GALNT1: variants seen among roughly 807,000 people sequenced by gnomAD.
The protein encoded by GALNT1 is GalNAc transferase 1.
In GALNT1, 17 loss-of-function variants were observed where a neutral mutation model predicts 65.7. That is an observed-to-expected ratio of 0.26 (90% CI 0.18 to 0.39). The LOEUF is 0.39. Among genes scored for constraint, GALNT1 ranks in the 10% least tolerant of loss-of-function variants. The probability of loss-of-function intolerance (pLI) is 1.00; values close to 1 mark genes in which losing one functional copy is unlikely to be tolerated. For missense variants in GALNT1, 460 were observed against 672.8 expected (o/e 0.68, Z 3.50); for synonymous variants, 210 against 219.7 (o/e 0.96, Z 0.39).
rs190469932 is a variant in GALNT1, at chr18:35,658,498, T to C, written c.139+3697T>C. On this transcript the variant is annotated intron_variant, in intron 2 of 11. Transcript: ENST00000269195. ...TAAGCAACAGTTTGAAAAATCTGCT[T>C]TGATATGAAGTTTCAGTGCAGTAGG... Among the ~76,000 whole-genome samples the C allele has an allele frequency of 2.0e-5, 3 of 152,156 alleles. No homozygotes were observed. The East Asian group carries it at 5.8e-4, about 29-fold the overall frequency.
At chr18:35,669,612 A>G (rs1285777898) in intron 3 of GALNT1, among the ~76,000 whole-genome samples, 1 of 152,258 alleles carries the variant, frequency 6.6e-6, no homozygotes, top group Non-Finnish European at 1.5e-5. Context: ...CAGGAAAAAC[A>G]TTTGATAAAA....
intron 1 of GALNT1, among the ~76,000 whole-genome samples, chr18:35,593,143 C>T (rs1056695986): frequency 6.6e-6 from 1 of 152,112 alleles, no homozygotes; most frequent in Admixed American, 6.5e-5. Flanking sequence ...CTATGTGGCA[C>T]ACGGAGGTGT....
rs112256935 is a variant in GALNT1 at position 35,628,055 on chromosome 18, A to G, written c.-103-26505A>G. Among the ~76,000 whole-genome samples the G allele has an allele frequency of 6.4e-3, 969 of 152,284 alleles. 19 individuals are homozygous for G. The highest frequency in any genetic ancestry group is 0.022 in the African/African-American group (919 of 41,558). On this transcript the variant is annotated intron_variant, in intron 1 of 11. Coordinates refer to ENST00000269195, the MANE Select transcript of GALNT1 (RefSeq NM_020474.4). ...CGCCATTGCTGAGGCTTGAGTAGGT[A>G]AACAAAGTGGCTGGGAAGCTCGAAC...
At chr18:35,647,320 C>G (rs2047243849) in intron 1 of GALNT1, among the ~76,000 whole-genome samples, 1 of 152,162 alleles carries the variant, frequency 6.6e-6, no homozygotes, top group African/African-American at 2.4e-5. Context: ...GTCTGCTTCC[C>G]TGGAGCCAAC....
Position 35,603,822 on chromosome 18 carries a change from G to A in GALNT1, c.-104+21960G>A, listed in dbSNP as rs117985832. Among the ~76,000 whole-genome samples, 859 of 152,286 alleles carry A rather than the reference G, an allele frequency of 5.6e-3. 18 individuals are homozygous for A. In the East Asian group the frequency reaches 0.065, roughly 12 times the overall value. On this transcript the variant is annotated intron_variant, in intron 1 of 11. Coordinates refer to ENST00000269195, the MANE Select transcript of GALNT1 (RefSeq NM_020474.4). ...AGCCAGTAAATTTCCTCGTGTTTAA[G>A]CAGTTTGAGGTGGAATTTCTGATCT... is the stretch of plus-strand genomic sequence containing the variant.
chr18:35,686,284 A>G (rs534321537), intron 5 of GALNT1, among the ~76,000 whole-genome samples: 47 of 152,352 alleles, frequency 3.1e-4, no homozygotes, highest in Non-Finnish European at 5.9e-4. Context: ...ACCCAAATTC[A>G]TATATAAATT....
chr18:35,593,024 G>A (rs1294793438), intron 1 of GALNT1, among the ~76,000 whole-genome samples: 1 of 152,174 alleles, frequency 6.6e-6, no homozygotes, highest in Non-Finnish European at 1.5e-5. Flanking sequence ...TGTTGTTGTT[G>A]TTTTTCCTTG....
intron 1 of GALNT1, among the ~76,000 whole-genome samples, chr18:35,635,163 G>T (rs1360810125): frequency 1.3e-5 from 2 of 152,212 alleles, no homozygotes; most frequent in East Asian, 3.9e-4. Flanking sequence ...GTAGGCATAG[G>T]CTTCCAGGTC....
chr18:35,590,789 T>TA (rs749872443), intron 1 of GALNT1, among the ~76,000 whole-genome samples: 2 of 152,074 alleles, frequency 1.3e-5, no homozygotes, highest in African/African-American at 2.4e-5. Context: ...GCAGGGACTG[T>TA]AAAAAAAGGT....
intron 1 of GALNT1, among the ~76,000 whole-genome samples, chr18:35,653,508 T>A (rs2047336652): frequency 6.6e-6 from 1 of 152,224 alleles, no homozygotes; most frequent in East Asian, 1.9e-4. Context: ...CATTTGTAGC[T>A]TTCAGCATAG....
Position 35,654,621 on chromosome 18 carries a change from A to G in GALNT1, c.-42A>G. On this transcript the variant is annotated 5_prime_UTR_variant, in exon 2 of 12. Transcript: ENST00000269195. ...TAATTTTCATGATCTTTGTATATTT[A>G]TATATATATATTTTTAAATTTTGCA... is the stretch of plus-strand genomic sequence containing the variant. 1.0e-6 allele frequency: 1 copy of G among 1,004,372 alleles called. No homozygotes were observed. The highest frequency in any genetic ancestry group is 1.3e-6 in the Non-Finnish European group (1 of 769,778). The allele number at this position is 1,004,372 out of a possible 1,614,324, so 62.2% of individuals were successfully genotyped here. A position where few individuals can be genotyped will look rare whatever the true frequency, so the allele number is the denominator to read the frequency against.
chr18:35,607,020 C>G (rs1481749769), intron 1 of GALNT1, among the ~76,000 whole-genome samples: 2 of 152,006 alleles, frequency 1.3e-5, no homozygotes, highest in East Asian at 3.9e-4. Context: ...ATTTTGTACC[C>G]CTCAGAAGTG....
chr18:35,638,275 A>G (rs940522230), intron 1 of GALNT1, among the ~76,000 whole-genome samples: 1 of 152,204 alleles, frequency 6.6e-6, no homozygotes, highest in Non-Finnish European at 1.5e-5. Context: ...ACTCAGACAC[A>G]GGTATCCAGT....
chr18:35,629,819 G>A (rs1427788206), intron 1 of GALNT1, among the ~76,000 whole-genome samples: 5 of 152,106 alleles, frequency 3.3e-5, no homozygotes, highest in South Asian at 2.1e-4. Flanking sequence ...AACCCATCTC[G>A]TGCAGAGACA....
chr18:35,674,968 G>T (rs1425967016), intron 3 of GALNT1, among the ~76,000 whole-genome samples: 1 of 127,662 alleles, frequency 7.8e-6, no homozygotes, highest in African/African-American at 3.0e-5. Flanking sequence ...GAGCGACAGA[G>T]CGAGACTCCG....
chr18:35,691,336 A>G (rs2047959017), intron 8 of GALNT1, 144 bp downstream of exon 8: 1 of 602,952 alleles, frequency 1.7e-6, no homozygotes, highest in East Asian at 2.9e-5. Flanking sequence ...GAATGAAATC[A>G]CACACAGTAT....
chr18:35,639,595 A>G (rs966254836), intron 1 of GALNT1, among the ~76,000 whole-genome samples: 1 of 152,170 alleles, frequency 6.6e-6, no homozygotes, highest in Non-Finnish European at 1.5e-5. Flanking sequence ...GAACAACAAT[A>G]TAGTAGACAT....
chr18:35,623,967 G>A (rs2046886685), intron 1 of GALNT1, among the ~76,000 whole-genome samples: 1 of 151,926 alleles, frequency 6.6e-6, no homozygotes, highest in South Asian at 2.1e-4. Flanking sequence ...ATTGTATACT[G>A]GATATTGTGG....
At chr18:35,679,141 G>T (rs1339852922) in intron 4 of GALNT1, among the ~76,000 whole-genome samples, 1 of 152,130 alleles carries the variant, frequency 6.6e-6, no homozygotes, top group Non-Finnish European at 1.5e-5. Flanking sequence ...ACCTTATGTG[G>T]ATAATCTATT....
Sources: allele counts gnomAD v4.1 joint callset (sites outside exome capture counted in the v4.1 genomes callset), GRCh38; gene constraint gnomAD v4.1.1; transcripts MANE v1.5; gene names NCBI Gene and HGNC (gene_info 2026-07-23, HGNC 2026-07-21).